AP4E1: variants seen among roughly 807,000 people sequenced by gnomAD.
AP4E1 encodes the protein adaptor related protein complex 4 subunit epsilon 1, also known as AP-4 complex subunit epsilon-1.
In AP4E1, 56 loss-of-function variants were observed where a neutral mutation model predicts 128.2. The observed-to-expected ratio is 0.44, with a 90% CI of 0.35 to 0.55. AP4E1 has a LOEUF of 0.55. Among genes scored for constraint, AP4E1 ranks in the 20% least tolerant of loss-of-function variants. The probability of loss-of-function intolerance (pLI) is 0.00; values close to 1 mark genes in which losing one functional copy is unlikely to be tolerated. For missense variants in AP4E1, 1,324 were observed against 1,307.7 expected (o/e 1.01, Z -0.19); for synonymous variants, 484 against 473.1 (o/e 1.02, Z -0.30).
intron 14 of AP4E1, among the ~76,000 whole-genome samples, chr15:50,960,839 A>G (rs974421383): frequency 6.6e-6 from 1 of 152,046 alleles, no homozygotes; most frequent in Non-Finnish European, 1.5e-5. Flanking sequence ...AGAGACAAAA[A>G]GTTGGTTATT....
chr15:50,993,450 G>A lies in AP4E1; in HGVS notation c.2171G>A (p.Gly724Asp). The A allele has an allele frequency of 1.2e-6, 2 of 1,613,964 alleles. No homozygotes were observed. The highest frequency in any genetic ancestry group is 1.7e-6 in the Non-Finnish European group (2 of 1,179,974). The change falls in exon 17 of 21, where the codon GGT becomes GAT. Residue 724 changes from glycine to aspartate, a missense_variant. Physicochemically the swap from Gly to Asp is moderately conservative, Grantham distance 94 (BLOSUM62 -1). Transcript: ENST00000261842. ...GYLPKKESKT[G>D]DESGALPVPQ... ...CTTCCCAAGAAGGAAAGCAAAACTG[G>A]TGATGAAAGTGGAGCTCTGCCTGTT... is the stretch of plus-strand genomic sequence containing the variant.
chr15:50,996,090 G>A (rs1019020037), intron 17 of AP4E1, among the ~76,000 whole-genome samples: 1 of 139,484 alleles, frequency 7.2e-6, no homozygotes, highest in Non-Finnish European at 1.5e-5. Context: ...CCAAGTTCAA[G>A]CAATTCTCCT....
chr15:50,946,506 T>C (rs2064063638), intron 10 of AP4E1, among the ~76,000 whole-genome samples: 1 of 152,136 alleles, frequency 6.6e-6, no homozygotes, highest in Non-Finnish European at 1.5e-5. Flanking sequence ...ATATAACTTT[T>C]ATAAATAATA....
At chr15:50,919,133 G>A (rs1278295418) in intron 3 of AP4E1, among the ~76,000 whole-genome samples, 1 of 152,108 alleles carries the variant, frequency 6.6e-6, no homozygotes, top group Non-Finnish European at 1.5e-5. Context: ...GGGAGGCTGA[G>A]GCATGAGAAT....
intron 13 of AP4E1, among the ~76,000 whole-genome samples, chr15:50,957,140 T>C (rs1190600624): frequency 3.3e-5 from 5 of 152,140 alleles, no homozygotes; most frequent in Non-Finnish European, 7.4e-5. Flanking sequence ...CTGCACTCAC[T>C]CCTGAGCTCT....
chr15:50,945,816 T>G, intron 10 of AP4E1: 1 of 771,118 alleles, frequency 1.3e-6, no homozygotes, highest in South Asian at 1.4e-5. Flanking sequence ...AGCATCATCC[T>G]GATATAAAAT....
chr15:50,934,589 A>G (rs769721146), intron 7 of AP4E1, 35 bp from the exon 8 acceptor site: 38 of 1,454,574 alleles, frequency 2.6e-5, no homozygotes, highest in Admixed American at 5.0e-5. Context: ...TTAGAATACT[A>G]TAATTCTACT....
chr15:50,959,166 G>C (rs920691248), intron 14 of AP4E1, among the ~76,000 whole-genome samples: 3 of 150,932 alleles, frequency 2.0e-5, no homozygotes, highest in African/African-American at 7.3e-5. Flanking sequence ...AGCTGAGATT[G>C]CACCATTGCA....
chr15:50,931,179 C>A (rs527858816), intron 7 of AP4E1, among the ~76,000 whole-genome samples: 236 of 152,284 alleles, frequency 1.5e-3, no homozygotes, highest in African/African-American at 5.3e-3. Flanking sequence ...TTTTACCCAT[C>A]ATGAAAGGTA....
chr15:50,986,122 G>A (rs1428057096), intron 16 of AP4E1, among the ~76,000 whole-genome samples: 1 of 152,128 alleles, frequency 6.6e-6, no homozygotes. Context: ...TGTTATTGGT[G>A]TATAAGAATG....
At chr15:50,938,602 G>A (rs1260876513) in intron 8 of AP4E1, among the ~76,000 whole-genome samples, 2 of 152,130 alleles carry the variant, frequency 1.3e-5, no homozygotes, top group Admixed American at 1.3e-4. Context: ...TCTGGAAGTA[G>A]GGAGTAAAGA....
intron 3 of AP4E1, among the ~76,000 whole-genome samples, chr15:50,922,727 C>A (rs1445884800): frequency 6.6e-6 from 1 of 151,768 alleles, no homozygotes; most frequent in Non-Finnish European, 1.5e-5. Context: ...GGGTTTGAGT[C>A]CTGGCTCCAC....
chr15:50,986,855 A>G (rs573815608), intron 16 of AP4E1, among the ~76,000 whole-genome samples: 98 of 152,122 alleles, frequency 6.4e-4, no homozygotes, highest in African/African-American at 2.0e-3. Context: ...CTCTTTTTCT[A>G]TTGATTGGAA....
chr15:50,984,454 C>G (rs559424617), intron 16 of AP4E1, among the ~76,000 whole-genome samples: 102 of 128,364 alleles, frequency 7.9e-4, no homozygotes, highest in African/African-American at 2.8e-3. Context: ...CTATCCCTTC[C>G]CCCTCCCCCC....
In AP4E1 at chr15:50,997,783, G is replaced by C; in HGVS notation, c.2804G>C (p.Trp935Ser). The change falls in exon 18 of 21, where the codon TGG becomes TCG. Residue 935 changes from tryptophan (W) to serine (S), a missense_variant. Physicochemically the swap from Trp to Ser is radical, Grantham distance 177. Coordinates refer to ENST00000261842, the MANE Select transcript of AP4E1 (RefSeq NM_007347.5). ...ATATCAGTGTCTTCTTATAAAATTT[G>C]GAAAGATGATTGTTTATTGATGGTC... ...ETISVSSYKIWKDDCLLMVWS... is the reference protein window; with the variant it reads ...ETISVSSYKISKDDCLLMVWS... The C allele has an allele frequency of 6.2e-7, 1 of 1,609,808 alleles. No individual in the cohort carries two copies. The highest frequency in any genetic ancestry group is 8.5e-7 in the Non-Finnish European group (1 of 1,177,578).
chr15:50,998,599 T>C (rs7184026), intron 18 of AP4E1, among the ~76,000 whole-genome samples: 90,851 of 151,684 alleles, frequency 0.6, 27,358 homozygotes, highest in Non-Finnish European at 0.62. Flanking sequence ...CATTGCACTC[T>C]AGCCTGGGTG....
In AP4E1 at chr15:50,915,361, G is replaced by A. The variant is rs369544149; in HGVS notation, c.223-87G>A. On this transcript the variant is annotated intron_variant, in intron 2 of 20. Coordinates refer to ENST00000261842, the MANE Select transcript of AP4E1 (RefSeq NM_007347.5). ...TATTTCTTCAGCACCAGGATTAAAG[G>A]ATTCTCCTTTTAAATTATGAGAACA... is the stretch of plus-strand genomic sequence containing the variant. 39 of 1,369,534 alleles carry A rather than the reference G, an allele frequency of 2.8e-5. No homozygotes were observed. In the South Asian group the frequency reaches 4.6e-4, roughly 16 times the overall value. The allele number at this position is 1,369,534 out of a possible 1,614,324, so 84.8% of individuals were successfully genotyped here. A position where few individuals can be genotyped will look rare whatever the true frequency, so the allele number is the denominator to read the frequency against.
chr15:50,965,063 A>G (rs2064371332), intron 14 of AP4E1, among the ~76,000 whole-genome samples: 2 of 151,934 alleles, frequency 1.3e-5, no homozygotes, highest in South Asian at 4.1e-4. Context: ...CTCCATAAGT[A>G]AAAGCTTCTG....
intron 14 of AP4E1, among the ~76,000 whole-genome samples, chr15:50,963,845 C>T (rs76141216): frequency 0.046 from 6,983 of 152,236 alleles, 524 homozygotes; most frequent in African/African-American, 0.16. Flanking sequence ...CTTTTAAAAT[C>T]AACAAATAAG....
Sources: gnomAD v4.1 joint callset for allele counts (sites outside exome capture counted in the v4.1 genomes callset) on GRCh38, gnomAD v4.1.1 for gene constraint, MANE v1.5 for transcripts, NCBI Gene and HGNC (gene_info 2026-07-23, HGNC 2026-07-21) for gene names.